SLC25A12: variants seen among roughly 807,000 people sequenced by gnomAD.
SLC25A12 encodes solute carrier family 25 member 12, also known as electrogenic aspartate/glutamate antiporter SLC25A12, mitochondrial.
A neutral mutation model predicts 83.3 loss-of-function variants in SLC25A12; 32 were observed. The ratio of observed to expected loss-of-function variants is 0.38; its 90% CI spans 0.29 to 0.52. The LOEUF is 0.52. Ranked by LOEUF, SLC25A12 falls within the 20% of genes least tolerant of loss-of-function variation. SLC25A12 has a pLI of 0.84. For missense variants in SLC25A12, 611 were observed against 835.6 expected (o/e 0.73, Z 3.31); for synonymous variants, 267 against 291.1 (o/e 0.92, Z 0.84).
intron 13 of SLC25A12, among the ~76,000 whole-genome samples, chr2:171,795,770 T>A (rs1019618539): frequency 6.6e-6 from 1 of 150,992 alleles, no homozygotes; most frequent in African/African-American, 2.4e-5. Context: ...CCAATCCGTG[T>A]CCCCCACCCC....
chr2:171,845,393 A>AT (rs1308669533), intron 4 of SLC25A12, among the ~76,000 whole-genome samples: 1 of 152,206 alleles, frequency 6.6e-6, no homozygotes, highest in Non-Finnish European at 1.5e-5. Context: ...AAAAAAAAAA[A>AT]ATCATGAACA....
Position 171,881,421 on chromosome 2 carries a change from G to C in SLC25A12, c.66+11784C>G, listed in dbSNP as rs139809060. Among the ~76,000 whole-genome samples the C allele has an allele frequency of 1.0e-3, 156 of 152,218 alleles. 3 individuals carry two copies. The East Asian group carries it at 0.029, about 29-fold the overall frequency. Reference sequence around the variant, plus strand: ...GCCGCCTCGGCCTCCCAAAGTGCTAGGATTACAGGCCATCGCGCCCGGCCA... The same window carrying C: ...GCCGCCTCGGCCTCCCAAAGTGCTACGATTACAGGCCATCGCGCCCGGCCA... On this transcript the variant is annotated intron_variant, in intron 2 of 17. Coordinates refer to ENST00000422440, the MANE Select transcript of SLC25A12 (RefSeq NM_003705.5).
intron 13 of SLC25A12, among the ~76,000 whole-genome samples, chr2:171,797,067 C>T (rs1043152294): frequency 4.6e-5 from 7 of 152,152 alleles, no homozygotes; most frequent in Non-Finnish European, 8.8e-5. Context: ...TTCTAAGACT[C>T]TATTGATTAT....
chr2:171,893,699 C>A (rs993662730), intron 1 of SLC25A12, among the ~76,000 whole-genome samples: 1 of 152,180 alleles, frequency 6.6e-6, no homozygotes. Context: ...GCGTCCCTCT[C>A]CCCATCCAAC....
chr2:171,811,988 G>A (rs1426780513), intron 11 of SLC25A12, among the ~76,000 whole-genome samples: 1 of 152,170 alleles, frequency 6.6e-6, no homozygotes, highest in Non-Finnish European at 1.5e-5. Context: ...ATCTGGATAT[G>A]CAGGGTTTAA....
At chr2:171,871,983 TA>T (rs34139128) in intron 2 of SLC25A12, among the ~76,000 whole-genome samples, 113,854 of 146,926 alleles carry the variant, frequency 0.77, 44,870 homozygotes, top group East Asian at 0.89. Flanking sequence ...AGAACAAAAA[TA>T]AAAAGACGTA....
intron 13 of SLC25A12, among the ~76,000 whole-genome samples, chr2:171,808,359 G>A (rs1683878808): frequency 6.6e-6 from 1 of 150,576 alleles, no homozygotes; most frequent in Middle Eastern, 3.2e-3. Context: ...ACCTTTGTGC[G>A]CTAAGTAAAT....
chr2:171,857,019 G>C lies in SLC25A12; in HGVS notation c.210-1070C>G, dbSNP rs547921974. 4.6e-5 allele frequency among the ~76,000 whole-genome samples: 7 copies of C among 152,312 alleles called. No homozygotes were observed. The East Asian group carries it at 1.4e-3, about 29-fold the overall frequency. On this transcript the variant is annotated intron_variant, in intron 3 of 17. Transcript: ENST00000422440. The stretch of plus-strand genomic sequence containing the variant: ...TTGGTAATGATTAAAAGTAGGTGAT[G>C]AATTCATAGAATTTACATTATTCTC...
intron 2 of SLC25A12, among the ~76,000 whole-genome samples, chr2:171,875,972 T>G (rs530378373): frequency 3.3e-5 from 5 of 149,682 alleles, no homozygotes; most frequent in Admixed American, 3.3e-4. Flanking sequence ...ATTTAAAAAT[T>G]TTTAAAGTAT....
chr2:171,866,757 T>A (rs1241999136), intron 3 of SLC25A12, among the ~76,000 whole-genome samples: 2 of 88,754 alleles, frequency 2.3e-5, no homozygotes, highest in Non-Finnish European at 4.7e-5. Context: ...GCTGGCCGGG[T>A]GGGGGGCTGA....
chr2:171,819,333 TTA>T (rs1247825107), intron 9 of SLC25A12, among the ~76,000 whole-genome samples: 9 of 119,736 alleles, frequency 7.5e-5, no homozygotes, highest in East Asian at 2.1e-4. Flanking sequence ...TAATATATAA[TTA>T]TATATATTAT....
chr2:171,837,347 A>C, intron 5 of SLC25A12, 80 bp from the exon 6 acceptor site: 3 of 1,419,608 alleles, frequency 2.1e-6, no homozygotes, highest in Non-Finnish European at 3.0e-6. Context: ...GGAAGGACAG[A>C]TATCCTTCCC....
At position 171,894,106 on chromosome 2, in the gene SLC25A12, T is replaced by C; in HGVS notation, c.12+97A>G. ...GCCCCAGGACAAGCTATCTAAGACC[T>C]AGACAATGAATAAAATGGGAAGCAG... On this transcript the variant is annotated intron_variant, in intron 1 of 17. Coordinates refer to ENST00000422440, the MANE Select transcript of SLC25A12 (RefSeq NM_003705.5). 2.0e-6 allele frequency: 3 copies of C among 1,485,034 alleles called. No individual in the cohort carries two copies. In the South Asian group the frequency reaches 3.6e-5, roughly 18 times the overall value. 92.0% of individuals were successfully genotyped at this position (1,485,034 alleles called of 1,614,324 possible).
chr2:171,873,227 T>A (rs929727204), intron 2 of SLC25A12, among the ~76,000 whole-genome samples: 3 of 152,106 alleles, frequency 2.0e-5, no homozygotes, highest in African/African-American at 7.2e-5. Context: ...GGCAGGCAGA[T>A]CACGAGGTCA....
intron 11 of SLC25A12, among the ~76,000 whole-genome samples, chr2:171,812,907 A>G (rs1683977835): frequency 6.6e-6 from 1 of 151,814 alleles, no homozygotes; most frequent in Admixed American, 6.6e-5. Flanking sequence ...AAATAAATAT[A>G]TGGAGGGTAA....
chr2:171,866,631 G>C (rs1226987285), intron 3 of SLC25A12, among the ~76,000 whole-genome samples: 70 of 124,650 alleles, frequency 5.6e-4, no homozygotes, highest in African/African-American at 7.3e-4. Flanking sequence ...CTGGCCGGGC[G>C]GGGGGCTGAC....
chr2:171,810,817 A>G (rs1683933224), intron 11 of SLC25A12, among the ~76,000 whole-genome samples: 1 of 152,232 alleles, frequency 6.6e-6, no homozygotes, highest in Admixed American at 6.5e-5. Flanking sequence ...ATTTAAAAGG[A>G]AGCCAAAACT....
chr2:171,894,094 C>T (rs780453522), intron 1 of SLC25A12, 109 bp downstream of exon 1: 3 of 1,423,526 alleles, frequency 2.1e-6, no homozygotes, highest in Non-Finnish European at 2.9e-6. Context: ...CCAGGACAAG[C>T]TATCTAAGAC....
In SLC25A12 at chr2:171,881,147, T is replaced by TTTG. The variant is rs199795106; in HGVS notation, c.66+12055_66+12057dup. Among the ~76,000 whole-genome samples, 20 of 152,086 alleles carry TTTG rather than the reference T, an allele frequency of 1.3e-4. 1 individual carries two copies. Among genetic ancestry groups the TTTG allele is most frequent in the East Asian group, 9.6e-4 (5 of 5,188 alleles). On this transcript the variant is annotated intron_variant, in intron 2 of 17. Transcript: ENST00000422440. The stretch of plus-strand genomic sequence containing the variant: ...ACCACAAAACCCCATATTTTCTTTT[T>TTTG]TTGTTGTTGTTGTTGTTGTTGTTGA...
Sources: gnomAD v4.1 joint callset for allele counts (sites outside exome capture counted in the v4.1 genomes callset) on GRCh38, gnomAD v4.1.1 for gene constraint, MANE v1.5 for transcripts, NCBI Gene and HGNC (gene_info 2026-07-23, HGNC 2026-07-21) for gene names.